Variants in SGCD observed in about 807,000 individuals in gnomAD.
The protein encoded by SGCD is delta-sarcoglycan.
SGCD carries 18 observed loss-of-function variants against 36.6 expected under a neutral mutation model. That is an observed-to-expected ratio of 0.49 (90% confidence interval 0.34 to 0.73). The LOEUF (loss-of-function observed/expected upper bound fraction) is 0.73. Ranked by LOEUF, SGCD falls within the 30% of genes least tolerant of loss-of-function variation. SGCD has a pLI of 0.01. For missense variants in SGCD, 387 were observed against 346.7 expected (o/e 1.12, Z -0.92); for synonymous variants, 133 against 130.6 (o/e 1.02, Z -0.12).
chr5:156,072,188 T>A (rs890979694), intron 1 of SGCD, among the ~76,000 whole-genome samples: 1 of 152,162 alleles, frequency 6.6e-6, no homozygotes, highest in African/African-American at 2.4e-5. Context: ...ATTAGCTGGT[T>A]ATTTTGCTCC....
chr5:156,340,043 T>C (rs1286531837), intron 2 of SGCD, among the ~76,000 whole-genome samples: 1 of 152,232 alleles, frequency 6.6e-6, no homozygotes, highest in Non-Finnish European at 1.5e-5. Flanking sequence ...TAATGTAGAA[T>C]GCACACAACT....
chr5:156,490,370 C>T (rs1326324200), intron 3 of SGCD, among the ~76,000 whole-genome samples: 2 of 151,834 alleles, frequency 1.3e-5, no homozygotes, highest in East Asian at 1.9e-4. Context: ...GCAGCATTAC[C>T]CTGATTTCAA....
At chr5:156,156,873 G>A (rs1320980503) in intron 3 of SGCD, among the ~76,000 whole-genome samples, 1 of 151,504 alleles carries the variant, frequency 6.6e-6, no homozygotes, top group African/African-American at 2.4e-5. Flanking sequence ...CTGGTTTAAG[G>A]CAGAGTGGTT....
intron 1 of SGCD, among the ~76,000 whole-genome samples, chr5:155,916,636 T>C (rs989977737): frequency 8.5e-5 from 13 of 152,178 alleles, no homozygotes; most frequent in African/African-American, 3.1e-4. Flanking sequence ...AGGACAGTAA[T>C]ATAGCTCAGA....
In SGCD at chr5:156,761,604, C is replaced by CTAGA. The variant is rs1166009633; in HGVS notation, c.*2218_*2221dup. 12 of 152,232 alleles carry CTAGA rather than the reference C, an allele frequency of 7.9e-5. No individual in the cohort carries two copies. The highest frequency in any genetic ancestry group is 2.9e-4 in the African/African-American group (12 of 41,528). The allele number at this position is 152,232 out of a possible 1,614,324, so 9.4% of individuals were successfully genotyped here. A position where few individuals can be genotyped will look rare whatever the true frequency, so the allele number is the denominator to read the frequency against. ...ATGATAGCTACAAAGTCATTTGTGG[C>CTAGA]TAGATAGGTTAAGACAGGTGATTTT... On this transcript the variant is annotated 3_prime_UTR_variant, in exon 9 of 9. Transcript: ENST00000337851.
chr5:156,419,252 GC>G (rs1467733866), intron 3 of SGCD, among the ~76,000 whole-genome samples: 1 of 152,114 alleles, frequency 6.6e-6, no homozygotes, highest in Non-Finnish European at 1.5e-5. Context: ...CCCTTAAACA[GC>G]AAGAGATGTA....
chr5:156,188,665 ACCGC>A (rs1213277552), intron 3 of SGCD, among the ~76,000 whole-genome samples: 3 of 118,562 alleles, frequency 2.5e-5, no homozygotes, highest in African/African-American at 7.0e-5. Context: ...GACCACCCCA[ACCGC>A]CCCCCCCGAC....
At chr5:156,639,546 C>A (rs1762952420) in intron 6 of SGCD, among the ~76,000 whole-genome samples, 1 of 152,204 alleles carries the variant, frequency 6.6e-6, no homozygotes, top group African/African-American at 2.4e-5. Context: ...ATCCAATACC[C>A]AGCTACCTCA....
the SGCD span, among the ~76,000 whole-genome samples, chr5:155,812,730 CA>C: frequency 1.3e-5 from 2 of 152,128 alleles, no homozygotes; most frequent in Non-Finnish European, 2.9e-5. Context: ...TGCAGATTTC[CA>C]GGCCCCAACA....
At chr5:156,185,976 A>G (rs566810185) in intron 3 of SGCD, among the ~76,000 whole-genome samples, 1 of 149,236 alleles carries the variant, frequency 6.7e-6, no homozygotes, top group East Asian at 2.0e-4. Context: ...GATCTGCACC[A>G]AAGATCTGTG....
At chr5:156,349,173 G>A (rs1322113084) in intron 3 of SGCD, among the ~76,000 whole-genome samples, 3 of 151,900 alleles carry the variant, frequency 2.0e-5, no homozygotes, top group African/African-American at 4.8e-5. Flanking sequence ...CCTAGGAAAA[G>A]CACTTCTGGA....
At chr5:156,699,566 T>C (rs1754450745) in intron 7 of SGCD, among the ~76,000 whole-genome samples, 1 of 152,224 alleles carries the variant, frequency 6.6e-6, no homozygotes, top group African/African-American at 2.4e-5. Flanking sequence ...AGAAATTGAC[T>C]TGTTCTTCTC....
intron 7 of SGCD, among the ~76,000 whole-genome samples, chr5:156,723,140 T>A (rs1459783166): frequency 1.3e-5 from 2 of 152,214 alleles, no homozygotes; most frequent in African/African-American, 4.8e-5. Context: ...TGAAATTATA[T>A]TTTAAATGAT....
chr5:156,655,778 A>T (rs1054384421), intron 7 of SGCD, among the ~76,000 whole-genome samples: 12 of 152,132 alleles, frequency 7.9e-5, no homozygotes, highest in Admixed American at 7.9e-4. Flanking sequence ...ATGATCTTAA[A>T]CTATGAATAT....
At chr5:156,293,186 T>C (rs1226419105) in intron 3 of SGCD, among the ~76,000 whole-genome samples, 6 of 152,104 alleles carry the variant, frequency 3.9e-5, no homozygotes, top group Non-Finnish European at 8.8e-5. Context: ...GTGATCCTCC[T>C]GCCTCAGTTT....
At chr5:156,472,243 T>G (rs1755003460) in intron 3 of SGCD, among the ~76,000 whole-genome samples, 1 of 152,144 alleles carries the variant, frequency 6.6e-6, no homozygotes, top group African/African-American at 2.4e-5. Flanking sequence ...ACCCAGCAGC[T>G]AAAAGAAATG....
At chr5:155,986,252 G>A (rs1385577683) in intron 1 of SGCD, among the ~76,000 whole-genome samples, 1 of 152,112 alleles carries the variant, frequency 6.6e-6, no homozygotes, top group Non-Finnish European at 1.5e-5. Context: ...CCATTTGCAG[G>A]TTGGTATCAG....
chr5:155,884,511 G>A (rs966214154), intron 1 of SGCD, among the ~76,000 whole-genome samples: 3 of 152,216 alleles, frequency 2.0e-5, no homozygotes, highest in Admixed American at 6.5e-5. Flanking sequence ...TAGAGCTGCT[G>A]TAATTGTACC....
chr5:156,074,920 G>A (rs532601105), intron 1 of SGCD, among the ~76,000 whole-genome samples: 2 of 152,280 alleles, frequency 1.3e-5, no homozygotes, highest in Admixed American at 6.5e-5. Context: ...ACATATCATG[G>A]TAATCATGTG....
Sources: gnomAD v4.1 joint callset for allele counts (sites outside exome capture counted in the v4.1 genomes callset) on GRCh38, gnomAD v4.1.1 for gene constraint, MANE v1.5 for transcripts, NCBI Gene and HGNC (gene_info 2026-07-23, HGNC 2026-07-21) for gene names.